The following TTC17 variants were observed in gnomAD, a reference collection of about 807,000 sequenced individuals.
The protein encoded by TTC17 is tetratricopeptide repeat protein 17.
Under a neutral mutation model 143.8 loss-of-function variants are expected in TTC17, and 58 were observed. That is an observed-to-expected ratio of 0.40 (90% CI 0.33 to 0.50). The LOEUF is 0.50. Among genes scored for constraint, TTC17 ranks in the 20% least tolerant of loss-of-function variants. TTC17 has a pLI of 0.49. For synonymous variants in TTC17, 501 were observed against 497.8 expected (o/e 1.01, Z -0.09); for missense variants, 1,273 against 1,392.5 (o/e 0.91, Z 1.37).
chr11:43,484,884 C>A (rs540576456), intron 21 of TTC17, among the ~76,000 whole-genome samples: 3 of 152,190 alleles, frequency 2.0e-5, no homozygotes, highest in Admixed American at 2.0e-4. Flanking sequence ...TTTACAGCCA[C>A]TCCCCATCGC....
In TTC17 at chr11:43,494,097, G is replaced by T; in HGVS notation, c.*193G>T. 1.5e-6 allele frequency: 1 copy of T among 650,190 alleles called. No homozygotes were observed. Among genetic ancestry groups the T allele is most frequent in the Non-Finnish European group, 2.4e-6 (1 of 414,034 alleles). 40.3% of individuals were successfully genotyped at this position (650,190 alleles called of 1,614,324 possible). A position where few individuals can be genotyped will look rare whatever the true frequency, so the allele number is the denominator to read the frequency against. On this transcript the variant is annotated 3_prime_UTR_variant, in exon 24 of 24. Coordinates refer to ENST00000039989, the MANE Select transcript of TTC17 (RefSeq NM_018259.6). ...TTCTCCTTTCCCCCAACCAACCTCAGAAGAGGCACCTTCAGAAACACACAT... is the reference window on the plus strand; with the variant it reads ...TTCTCCTTTCCCCCAACCAACCTCATAAGAGGCACCTTCAGAAACACACAT...
chr11:43,412,235 G>A (rs1858447185), intron 15 of TTC17, among the ~76,000 whole-genome samples: 1 of 152,156 alleles, frequency 6.6e-6, no homozygotes, highest in Non-Finnish European at 1.5e-5. Flanking sequence ...TGTGATCTCA[G>A]CACTTTGAGA....
intron 16 of TTC17, among the ~76,000 whole-genome samples, chr11:43,430,215 T>G (rs1947121989): frequency 6.6e-6 from 1 of 151,908 alleles, no homozygotes; most frequent in African/African-American, 2.4e-5. Flanking sequence ...ATTGCTTGAG[T>G]TCAGCAGTTT....
chr11:43,484,897 G>A (rs72902711), intron 21 of TTC17, among the ~76,000 whole-genome samples: 15,125 of 151,854 alleles, frequency 0.1, 862 homozygotes, highest in Middle Eastern at 0.16. Flanking sequence ...CCCATCGCTC[G>A]CATTACTGCC....
Position 43,407,390 on chromosome 11 carries a change from G to T in TTC17, c.1877G>T (p.Gly626Val). Reference protein sequence around the residue: ...APIWLILNEAGLYWRAVGNST... With the variant: ...APIWLILNEAVLYWRAVGNST... ...ATCTGGCTCATACTCAATGAAGCTG[G>T]ACTATACTGGAGAGCAGTAGGAAAT... is the stretch of plus-strand genomic sequence containing the variant. Residue 626 changes from glycine to valine, a missense_variant, in exon 15 of 24, where the codon GGA becomes GTA. Coordinates refer to ENST00000039989, the MANE Select transcript of TTC17 (RefSeq NM_018259.6). 19 of 1,613,842 alleles carry T rather than the reference G, an allele frequency of 1.2e-5. No homozygotes were observed. Among genetic ancestry groups the T allele is most frequent in the Non-Finnish European group, 1.5e-5 (18 of 1,179,950 alleles).
rs1013995594 is a variant in TTC17 at position 43,494,757 on chromosome 11, C to T, written c.*853C>T. On this transcript the variant is annotated 3_prime_UTR_variant, in exon 24 of 24. Coordinates refer to ENST00000039989, the MANE Select transcript of TTC17 (RefSeq NM_018259.6). ...CCATCTTGGAATAAGTTGTGAATGTCAGCTCCCTCTCTCTGAGGCCTCCAG... is the reference window on the plus strand; with the variant it reads ...CCATCTTGGAATAAGTTGTGAATGTTAGCTCCCTCTCTCTGAGGCCTCCAG... 1 of 152,158 alleles carries T rather than the reference C, an allele frequency of 6.6e-6. No homozygotes were observed. The highest frequency in any genetic ancestry group is 1.9e-4 in the East Asian group (1 of 5,190). The allele number at this position is 152,158 out of a possible 1,614,324, so 9.4% of individuals were successfully genotyped here. A position where few individuals can be genotyped will look rare whatever the true frequency, so the allele number is the denominator to read the frequency against.
At chr11:43,435,239 C>T (rs991544952) in intron 16 of TTC17, 1 of 152,132 alleles carries the variant, frequency 6.6e-6, no homozygotes, top group African/African-American at 2.4e-5. Context: ...AAGAATTGTC[C>T]TCTAACAGGA....
intron 2 of TTC17, 135 bp from the exon 3 acceptor site, chr11:43,389,517 A>T (rs1857297238): frequency 1.3e-6 from 1 of 785,980 alleles, no homozygotes; most frequent in Non-Finnish European, 1.9e-6. Context: ...TAAGTTAACT[A>T]AGGGCATTTT....
At position 43,396,782 on chromosome 11, in the gene TTC17, T is replaced by C. The variant is rs751047761; in HGVS notation, c.737T>C (p.Val246Ala). ...WRIKNEPYQV[V>A]ECAMRALHFS... ...ATTAAGAATGAGCCATATCAGGTAG[T>C]AGAATGTGCCATGCGAGCACTTCAC... is the stretch of plus-strand genomic sequence containing the variant. The change falls in exon 6 of 24, where the codon GTA becomes GCA. Residue 246 changes from valine (V) to alanine (A), a missense_variant. Transcript: ENST00000039989. The C allele has an allele frequency of 6.2e-7, 1 of 1,611,078 alleles. No individual in the cohort carries two copies. The highest frequency in any genetic ancestry group is 8.5e-7 in the Non-Finnish European group (1 of 1,177,668).
chr11:43,465,460 A>G (rs1229028101), intron 21 of TTC17, among the ~76,000 whole-genome samples: 1 of 152,200 alleles, frequency 6.6e-6, no homozygotes, highest in Admixed American at 6.5e-5. Flanking sequence ...AGAAAATAGA[A>G]GACAGGGAGA....
intron 15 of TTC17, among the ~76,000 whole-genome samples, chr11:43,410,099 C>T (rs1300009341): frequency 4.6e-5 from 7 of 152,072 alleles, no homozygotes; most frequent in East Asian, 3.9e-4. Flanking sequence ...GTGATCCGCC[C>T]GCCTTGACCT....
At position 43,380,105 on chromosome 11, in the gene TTC17, G is replaced by A. The variant is rs189214590; in HGVS notation, c.249+783G>A. 7.2e-5 allele frequency among the ~76,000 whole-genome samples: 11 copies of A among 152,170 alleles called. No individual in the cohort carries two copies. In the East Asian group the frequency reaches 2.1e-3, roughly 29 times the overall value. ...GAATCAGAGTATTTGAGAATTAGAAGGAATCATAAGATCATCCTCATTTTA... is the reference window on the plus strand; with the variant it reads ...GAATCAGAGTATTTGAGAATTAGAAAGAATCATAAGATCATCCTCATTTTA... On this transcript the variant is annotated intron_variant, in intron 2 of 23. Coordinates refer to ENST00000039989, the MANE Select transcript of TTC17 (RefSeq NM_018259.6).
At chr11:43,432,796 C>A (rs1207173544) in intron 16 of TTC17, among the ~76,000 whole-genome samples, 1 of 152,066 alleles carries the variant, frequency 6.6e-6, no homozygotes, top group Admixed American at 6.5e-5. Flanking sequence ...TTTTTTAGTT[C>A]CCCTTTGAGC....
chr11:43,446,784 GT>G (rs1260064786), intron 18 of TTC17: 105 of 610,576 alleles, frequency 1.7e-4, no homozygotes, highest in Non-Finnish European at 1.3e-4. Context: ...AGACAAGACA[GT>G]TCTGCTCTTT....
intron 16 of TTC17, among the ~76,000 whole-genome samples, chr11:43,420,578 G>T (rs1422116252): frequency 6.6e-6 from 1 of 152,132 alleles, no homozygotes; most frequent in Non-Finnish European, 1.5e-5. Context: ...TACTTTTGTA[G>T]TATTAGCTTA....
At chr11:43,403,707 T>A (rs1857976835) in intron 10 of TTC17, among the ~76,000 whole-genome samples, 1 of 128,020 alleles carries the variant, frequency 7.8e-6, no homozygotes, top group Non-Finnish European at 1.9e-5. Flanking sequence ...AGCTAATTAT[T>A]AACCTAAAGA....
chr11:43,400,950 C>T (rs1857826621), intron 9 of TTC17, among the ~76,000 whole-genome samples: 1 of 152,196 alleles, frequency 6.6e-6, no homozygotes, highest in South Asian at 2.1e-4. Flanking sequence ...ACCTTTGGCA[C>T]TTAGCTGTGA....
intron 21 of TTC17, among the ~76,000 whole-genome samples, chr11:43,484,169 A>AT (rs1168212111): frequency 6.6e-6 from 1 of 152,156 alleles, no homozygotes; most frequent in East Asian, 1.9e-4. Context: ...AATTAATGGC[A>AT]TAAGTGTAAA....
intron 22 of TTC17, chr11:43,491,202 TCA>T (rs1324308926): frequency 6.6e-6 from 1 of 152,206 alleles, no homozygotes. Flanking sequence ...TCTATGGCTG[TCA>T]CAAAGATGGG....
Sources: gnomAD v4.1 joint callset for allele counts (sites outside exome capture counted in the v4.1 genomes callset) on GRCh38, gnomAD v4.1.1 for gene constraint, MANE v1.5 for transcripts, NCBI Gene and HGNC (gene_info 2026-07-23, HGNC 2026-07-21) for gene names.